HACD3: variants seen among roughly 807,000 people sequenced by gnomAD.
HACD3 encodes the protein very-long-chain (3R)-3-hydroxyacyl-CoA dehydratase 3.
A neutral mutation model predicts 55.2 loss-of-function variants in HACD3; 30 were observed. The observed-to-expected ratio is 0.54, with a 90% CI of 0.41 to 0.74. The LOEUF (loss-of-function observed/expected upper bound fraction) is 0.74. HACD3 is among the 30% of genes least tolerant of loss of function. HACD3 has a pLI of 0.00. For missense variants in HACD3, 363 were observed against 440.1 expected, an observed-to-expected ratio of 0.82 and a Z score of 1.57; for synonymous variants, 141 against 151.7, an observed-to-expected ratio of 0.93 and a Z score of 0.52.
chr15:65,544,034 G>A (rs1157773756), intron 1 of HACD3, among the ~76,000 whole-genome samples: 1 of 152,064 alleles, frequency 6.6e-6, no homozygotes. Context: ...AAAATTACCC[G>A]GGCCTGGTGG....
intron 1 of HACD3, chr15:65,550,691 G>A (rs2072123623): frequency 1.3e-5 from 2 of 152,184 alleles, no homozygotes; most frequent in South Asian, 4.1e-4. Flanking sequence ...CAGTTTCTGT[G>A]GGTTAGGACT....
At chr15:65,551,810 T>G (rs2072136228) in intron 2 of HACD3, 92 bp downstream of exon 2, 2 of 1,485,918 alleles carry the variant, frequency 1.3e-6, no homozygotes, top group South Asian at 1.2e-5. Flanking sequence ...TTTGTCTTAC[T>G]TGTTTTTTGC....
chr15:65,544,447 T>C (rs2072053672), intron 1 of HACD3, among the ~76,000 whole-genome samples: 1 of 152,218 alleles, frequency 6.6e-6, no homozygotes, highest in African/African-American at 2.4e-5. Flanking sequence ...GTTGTGTCAA[T>C]GGCAGTATCC....
chr15:65,550,244 G>A (rs1020156656), intron 1 of HACD3, among the ~76,000 whole-genome samples: 14 of 152,034 alleles, frequency 9.2e-5, no homozygotes, highest in African/African-American at 1.7e-4. Context: ...AAAATTAGCC[G>A]GGCATGATGG....
In HACD3 at chr15:65,562,765, G is replaced by C. The variant is rs2072255987; in HGVS notation, c.422-9G>C. On this transcript the variant is annotated splice_polypyrimidine_tract_variant and intron_variant, in intron 5 of 10. Transcript: ENST00000261875. ...TTTTAATAGCTTACTGCTTTGCTTT[G>C]CTTTACAGCTCTTACAAACTTAAGG... 7 of 1,612,888 alleles carry C rather than the reference G, an allele frequency of 4.3e-6. No homozygotes were observed. Among genetic ancestry groups the C allele is most frequent in the Non-Finnish European group, 5.9e-6 (7 of 1,179,450 alleles).
intron 1 of HACD3, among the ~76,000 whole-genome samples, chr15:65,547,053 G>A (rs1244566821): frequency 6.6e-6 from 1 of 152,052 alleles, no homozygotes. Context: ...CACCAGCGAC[G>A]AAAAATGCAA....
intron 10 of HACD3, 125 bp downstream of exon 10, chr15:65,572,491 T>C: frequency 8.6e-7 from 1 of 1,160,472 alleles, no homozygotes; most frequent in Non-Finnish European, 1.2e-6. Flanking sequence ...ATGATTACTT[T>C]GCAAAAACAG....
intron 1 of HACD3, among the ~76,000 whole-genome samples, chr15:65,538,149 G>T (rs1473889192): frequency 1.3e-5 from 2 of 151,714 alleles, no homozygotes; most frequent in African/African-American, 4.8e-5. Flanking sequence ...GAATAATTTT[G>T]ACTTTCAGGT....
chr15:65,559,822 A>C (rs1483936667), intron 5 of HACD3, among the ~76,000 whole-genome samples: 4 of 152,190 alleles, frequency 2.6e-5, no homozygotes, highest in African/African-American at 9.7e-5. Context: ...TGGTGTCTTA[A>C]AGGGATAAAC....
At chr15:65,546,753 T>G (rs916726244) in intron 1 of HACD3, among the ~76,000 whole-genome samples, 1 of 152,128 alleles carries the variant, frequency 6.6e-6, no homozygotes, top group Non-Finnish European at 1.5e-5. Flanking sequence ...GTTTTTCAAT[T>G]TTTTTGTAGA....
chr15:65,530,707 AG>A lies in HACD3; in HGVS notation c.77del (p.Ser26MetfsTer37). Reference sequence around the variant, plus strand: ...CGAGCTATATCTGCGCGTGGAGCTGAGTGACGTACAGGTAAAGGCCGGGTCG... The same window carrying A: ...CGAGCTATATCTGCGCGTGGAGCTGATGACGTACAGGTAAAGGCCGGGTCG... ...HRELYLRVEL[S>X]DVQNPAISIT... On this transcript the variant is annotated frameshift_variant, in exon 1 of 11. Coordinates refer to ENST00000261875, the MANE Select transcript of HACD3 (RefSeq NM_016395.4). LOFTEE classifies it high-confidence loss of function. 1 of 1,565,720 alleles carries A rather than the reference AG, an allele frequency of 6.4e-7. No individual in the cohort carries two copies. The highest frequency in any genetic ancestry group is 1.2e-5 in the South Asian group (1 of 84,442).
chr15:65,552,405 G>T lies in HACD3; in HGVS notation c.130+687G>T, dbSNP rs535100147. Among the ~76,000 whole-genome samples, 8 of 152,114 alleles carry T rather than the reference G, an allele frequency of 5.3e-5. No individual in the cohort carries two copies. In the South Asian group the frequency reaches 1.0e-3, roughly 20 times the overall value. On this transcript the variant is annotated intron_variant, in intron 2 of 10. Transcript: ENST00000261875. ...GGCTGGAATGCAGTGGCATGATTTCGGCTCACTGCAACCTCCGCCTCCTGG... is the reference window on the plus strand; with the variant it reads ...GGCTGGAATGCAGTGGCATGATTTCTGCTCACTGCAACCTCCGCCTCCTGG...
rs559186476 is a variant in HACD3, at chr15:65,533,011, C to T, written c.87+2293C>T. ...TTAAAGGAATTTGTTACCTTTCTTT[C>T]ATTTAGTTAGTGATGACTTCCAGAA... On this transcript the variant is annotated intron_variant, in intron 1 of 10. Coordinates refer to ENST00000261875, the MANE Select transcript of HACD3 (RefSeq NM_016395.4). Among the ~76,000 whole-genome samples the T allele has an allele frequency of 9.2e-5, 14 of 152,270 alleles. No individual in the cohort carries two copies. The South Asian group carries it at 1.2e-3, about 14-fold the overall frequency.
At chr15:65,531,080 A>G (rs573735285) in intron 1 of HACD3, among the ~76,000 whole-genome samples, 1 of 151,854 alleles carries the variant, frequency 6.6e-6, no homozygotes, top group South Asian at 2.1e-4. Flanking sequence ...GAGATGTGGG[A>G]TGAGCTTGTT....
intron 8 of HACD3, 116 bp downstream of exon 8, chr15:65,570,319 T>A: frequency 2.7e-6 from 2 of 743,656 alleles, no homozygotes; most frequent in Non-Finnish European, 4.3e-6. Flanking sequence ...TAAGATTACA[T>A]ATGTGGAGAA....
intron 10 of HACD3, among the ~76,000 whole-genome samples, chr15:65,573,283 A>G (rs1259173160): frequency 6.6e-6 from 1 of 152,156 alleles, no homozygotes; most frequent in African/African-American, 2.4e-5. Context: ...TCCTAACTAT[A>G]AGGATTTTTT....
chr15:65,574,516 T>C (rs2072381626), intron 10 of HACD3: 1 of 152,242 alleles, frequency 6.6e-6, no homozygotes, highest in African/African-American at 2.4e-5. Context: ...TGTCACGGCT[T>C]GCTACCCCAG....
intron 2 of HACD3, among the ~76,000 whole-genome samples, chr15:65,552,414 C>G (rs2072142862): frequency 6.6e-6 from 1 of 152,188 alleles, no homozygotes; most frequent in Non-Finnish European, 1.5e-5. Flanking sequence ...CGGCTCACTG[C>G]AACCTCCGCC....
intron 1 of HACD3, among the ~76,000 whole-genome samples, chr15:65,546,560 G>T (rs1326002815): frequency 6.6e-6 from 1 of 152,102 alleles, no homozygotes; most frequent in Non-Finnish European, 1.5e-5. Flanking sequence ...CAATCAATTG[G>T]TAGAAGGTAT....
Sources: allele counts gnomAD v4.1 joint callset (sites outside exome capture counted in the v4.1 genomes callset), GRCh38; gene constraint gnomAD v4.1.1; transcripts MANE v1.5; gene names NCBI Gene and HGNC (gene_info 2026-07-23, HGNC 2026-07-21).